Variants in KDM5A observed in about 807,000 individuals in gnomAD.
KDM5A encodes the protein lysine demethylase 5A, also known as lysine-specific demethylase 5A.
A neutral mutation model predicts 193.5 loss-of-function variants in KDM5A; 42 were observed. The ratio of observed to expected loss-of-function variants is 0.22; its 90% CI spans 0.17 to 0.28. The LOEUF (loss-of-function observed/expected upper bound fraction) is 0.28. KDM5A is among the 10% of genes least tolerant of loss of function. The pLI is 1.00. For synonymous variants in KDM5A, 796 were observed against 718.1 expected, an observed-to-expected ratio of 1.11 and a Z score of -1.73; for missense variants, 1,692 against 2,055.1, an observed-to-expected ratio of 0.82 and a Z score of 3.42.
At chr12:388,454 G>C (rs1240862443) in intron 1 of KDM5A, 1 of 390,772 alleles carries the variant, frequency 2.6e-6, no homozygotes, top group Non-Finnish European at 5.1e-6. Context: ...AATTAGTCTG[G>C]AGTTCTTGTC....
intron 27 of KDM5A, among the ~76,000 whole-genome samples, chr12:287,354 A>C (rs1287582015): frequency 6.6e-6 from 1 of 152,200 alleles, no homozygotes; most frequent in Non-Finnish European, 1.5e-5. Flanking sequence ...GCCCTCTGTG[A>C]TATCACTTCC....
chr12:289,842 T>C (rs2137360431), intron 27 of KDM5A, among the ~76,000 whole-genome samples: 1 of 151,690 alleles, frequency 6.6e-6, no homozygotes, highest in East Asian at 1.9e-4. Flanking sequence ...CCCTGGAAGT[T>C]ATTTTTTGCT....
chr12:289,903 C>CTTTTTTTTTTTTTTT (rs1943269398), intron 27 of KDM5A, among the ~76,000 whole-genome samples: 17 of 106,724 alleles, frequency 1.6e-4, no homozygotes, highest in African/African-American at 6.4e-4. Flanking sequence ...TTTTTTCTTT[C>CTTTTTTTTTTTTTTT]TTTCTTTTTT....
chr12:342,460 G>GA (rs1555134370), intron 10 of KDM5A, among the ~76,000 whole-genome samples: 5 of 150,386 alleles, frequency 3.3e-5, no homozygotes, highest in Admixed American at 1.3e-4. Flanking sequence ...AATAAAATGT[G>GA]TTTTTTTTTT....
Position 389,013 on chromosome 12 carries a change from C to G in KDM5A, c.79G>C (p.Glu27Gln), listed in dbSNP as rs1192759831. Residue 27 changes from glutamate (E) to glutamine (Q), a missense_variant, in exon 1 of 28, where the codon GAG becomes CAG. Glu to Gln is a conservative substitution (Grantham distance 29, BLOSUM62 2). This residue lies in a region of KDM5A where 84 missense variants were observed against 68.2 expected (regional missense o/e 1.23). Transcript: ENST00000399788. ...PECPVFEPSW[E>Q]EFTDPLSFIG... ...AAGCTGAGCGGATCTGTGAACTCCTCCCAACTCGGCTCAAAGACGGGGCAC... is the reference window on the plus strand; with the variant it reads ...AAGCTGAGCGGATCTGTGAACTCCTGCCAACTCGGCTCAAAGACGGGGCAC... 2 of 1,614,142 alleles carry G rather than the reference C, an allele frequency of 1.2e-6. No individual in the cohort carries two copies. The highest frequency in any genetic ancestry group is 2.2e-5 in the South Asian group (2 of 91,080).
chr12:347,621 C>T (rs758898162), intron 10 of KDM5A, among the ~76,000 whole-genome samples: 20 of 152,140 alleles, frequency 1.3e-4, no homozygotes, highest in Non-Finnish European at 2.4e-4. Context: ...TATCCACAAC[C>T]ATCTCATCTT....
chr12:297,970 C>T (rs1943394869), intron 24 of KDM5A, among the ~76,000 whole-genome samples: 1 of 152,128 alleles, frequency 6.6e-6, no homozygotes, highest in Admixed American at 6.5e-5. Context: ...AATAAACCTA[C>T]AAAAAAATTA....
chr12:359,571 C>G lies in KDM5A; in HGVS notation c.673-3034G>C, dbSNP rs996547615. ...ACCAACCTGGGCAACATGGCAAAAC[C>G]CTGTCTCTACAAACATACAAAAATT... On this transcript the variant is annotated intron_variant, in intron 5 of 27. Coordinates refer to ENST00000399788, the MANE Select transcript of KDM5A (RefSeq NM_001042603.3). 4.0e-5 allele frequency among the ~76,000 whole-genome samples: 6 copies of G among 151,430 alleles called. No individual in the cohort carries two copies. The East Asian group carries it at 1.2e-3, about 30-fold the overall frequency.
At chr12:352,073 C>T (rs545311946) in intron 9 of KDM5A, 132 bp downstream of exon 9, 30 of 799,506 alleles carry the variant, frequency 3.8e-5, no homozygotes, top group Non-Finnish European at 5.9e-5. Flanking sequence ...CACTGCACTC[C>T]AGCCTGGGCG....
At chr12:370,618 T>C (rs1183954028) in intron 3 of KDM5A, among the ~76,000 whole-genome samples, 1 of 152,160 alleles carries the variant, frequency 6.6e-6, no homozygotes, top group Non-Finnish European at 1.5e-5. Context: ...AGACTTTTTT[T>C]TTTTTTAATT....
rs772052378 is a variant in KDM5A, at chr12:328,893, T to C, written c.1910A>G (p.Lys637Arg). ...TTCTTCAGTCATGAGAGTCAATTCT[T>C]TGCAGACCATGGCAGCCAGCCCCAC... ...LDVGLAAMVC[K>R]ELTLMTEEET... The change falls in exon 14 of 28, where the codon AAA becomes AGA. Residue 637 changes from lysine (K) to arginine (R), a missense_variant. This residue lies in a region of KDM5A where 88 missense variants were observed against 124.6 expected (regional missense o/e 0.71). Transcript: ENST00000399788. 6 of 1,614,210 alleles carry C rather than the reference T, an allele frequency of 3.7e-6. No individual in the cohort carries two copies. Among genetic ancestry groups the C allele is most frequent in the Non-Finnish European group, 4.2e-6 (5 of 1,180,032 alleles).
intron 14 of KDM5A, among the ~76,000 whole-genome samples, chr12:324,260 G>C (rs745311461): frequency 4.0e-5 from 6 of 151,860 alleles, no homozygotes; most frequent in Non-Finnish European, 8.8e-5. Flanking sequence ...TAGTACTGCT[G>C]CACTCCAACC....
Position 321,004 on chromosome 12 carries a change from C to T in KDM5A, c.2532G>A (p.Arg844=), listed in dbSNP as rs1565532979. The stretch of plus-strand genomic sequence containing the variant: ...GGATGTAATACTCCACCTTTACTTG[C>T]CGAGCTTGGCTGATGACACACGGAA... ...FSLPCVISQA[R]QVKNLLDDVE... The change falls in exon 18 of 28, where the codon CGG becomes CGA. Residue 844 remains arginine (R), a synonymous_variant. Coordinates refer to ENST00000399788, the MANE Select transcript of KDM5A (RefSeq NM_001042603.3). The T allele has an allele frequency of 6.2e-7, 1 of 1,611,594 alleles. No homozygotes were observed. The highest frequency in any genetic ancestry group is 8.5e-7 in the Non-Finnish European group (1 of 1,177,724).
chr12:309,709 A>G (rs1025264863), intron 22 of KDM5A, 94 bp downstream of exon 22: 1 of 1,322,090 alleles, frequency 7.6e-7, no homozygotes, highest in African/African-American at 1.5e-5. Flanking sequence ...ATATGAAAAT[A>G]AAAAGTTAAA....
intron 22 of KDM5A, among the ~76,000 whole-genome samples, chr12:308,534 C>T (rs1448234490): frequency 6.6e-6 from 1 of 152,170 alleles, no homozygotes; most frequent in African/African-American, 2.4e-5. Context: ...AAAGCCTCTT[C>T]ATGTATAAGT....
intron 3 of KDM5A, among the ~76,000 whole-genome samples, chr12:370,409 T>C (rs764373312): frequency 6.6e-6 from 1 of 151,962 alleles, no homozygotes; most frequent in Non-Finnish European, 1.5e-5. Flanking sequence ...AAATAAAAAT[T>C]AAAAATAAAA....
At chr12:297,015 C>T (rs781282372) in intron 25 of KDM5A, 26 bp downstream of exon 25, 2 of 1,610,510 alleles carry the variant, frequency 1.2e-6, no homozygotes. Context: ...GCTTATGTTC[C>T]CCACAGTTTT....
intron 24 of KDM5A, among the ~76,000 whole-genome samples, chr12:299,029 C>A (rs1257286575): frequency 1.3e-5 from 2 of 151,972 alleles, no homozygotes; most frequent in Non-Finnish European, 2.9e-5. Context: ...CGAAAAAAGC[C>A]TCCAATGCAT....
At chr12:364,500 A>G (rs764907203) in intron 4 of KDM5A, among the ~76,000 whole-genome samples, 4 of 146,944 alleles carry the variant, frequency 2.7e-5, no homozygotes, top group African/African-American at 1.0e-4. Context: ...ATTTACACAT[A>G]AACGGCCGGG....
Sources: allele counts gnomAD v4.1 joint callset (sites outside exome capture counted in the v4.1 genomes callset), GRCh38; gene constraint gnomAD v4.1.1; regional missense constraint gnomAD v4.1.1; transcripts MANE v1.5; gene names NCBI Gene and HGNC (gene_info 2026-07-23, HGNC 2026-07-21).